Variants in SYNCRIP observed in about 807,000 individuals in gnomAD.
The protein encoded by SYNCRIP is synaptotagmin binding cytoplasmic RNA interacting protein.
Under a neutral mutation model 68.9 loss-of-function variants are expected in SYNCRIP, and 9 were observed. The ratio of observed to expected loss-of-function variants is 0.13; its 90% CI spans 0.08 to 0.23. SYNCRIP has a LOEUF of 0.23. Ranked by LOEUF, SYNCRIP falls within the 10% of genes least tolerant of loss-of-function variation. The pLI is 1.00. For synonymous variants in SYNCRIP, 258 were observed against 254.0 expected (o/e 1.02, Z -0.15); for missense variants, 414 against 770.6 (o/e 0.54, Z 5.48).
chr6:85,621,698 G>A (rs1410622715), intron 8 of SYNCRIP, among the ~76,000 whole-genome samples: 1 of 151,850 alleles, frequency 6.6e-6, no homozygotes, highest in African/African-American at 2.4e-5. Flanking sequence ...CTCAAGGGAT[G>A]TTTATTCTTA....
rs764418447 is a variant in SYNCRIP, at chr6:85,630,362, AAAAC to A, written c.667-6254_667-6251del. Among the ~76,000 whole-genome samples the A allele has an allele frequency of 3.8e-4, 58 of 152,322 alleles. 1 individual carries two copies. The highest frequency in any genetic ancestry group is 9.1e-4 in the African/African-American group (38 of 41,574). On this transcript the variant is annotated intron_variant, in intron 6 of 10. Coordinates refer to ENST00000369622, the MANE Select transcript of SYNCRIP (RefSeq NM_006372.5). The stretch of plus-strand genomic sequence containing the variant: ...GGCAACAGAGCGAGACTCCATCTCA[AAAAC>A]AAACAAACAAACAAAAAAAATCGTA...
intron 8 of SYNCRIP, among the ~76,000 whole-genome samples, chr6:85,621,297 G>A (rs1402198449): frequency 6.6e-6 from 1 of 152,140 alleles, no homozygotes; most frequent in Non-Finnish European, 1.5e-5. Flanking sequence ...TAACCTGTAA[G>A]TAACAAAGAG....
rs1806062930 is a variant in SYNCRIP, at chr6:85,618,721, T to C, written c.1280+97A>G. 8 of 1,003,094 alleles carry C rather than the reference T, an allele frequency of 8.0e-6. No homozygotes were observed. The South Asian group carries it at 1.4e-4, about 17-fold the overall frequency. The allele number at this position is 1,003,094 out of a possible 1,614,324, so 62.1% of individuals were successfully genotyped here. On this transcript the variant is annotated intron_variant, in intron 10 of 10. Coordinates refer to ENST00000369622, the MANE Select transcript of SYNCRIP (RefSeq NM_006372.5). The stretch of plus-strand genomic sequence containing the variant: ...CGTTCAAGTCTTCTTTAAAGAGATG[T>C]TATGCATTTAACAAGTCTGATCAAC...
intron 4 of SYNCRIP, among the ~76,000 whole-genome samples, chr6:85,637,707 G>C (rs1261726348): frequency 6.6e-6 from 1 of 152,130 alleles, no homozygotes; most frequent in Non-Finnish European, 1.5e-5. Context: ...ACCTAATTTG[G>C]TTGAGCATCT....
intron 6 of SYNCRIP, among the ~76,000 whole-genome samples, chr6:85,629,516 CAAAAAAAA>C (rs781083306): frequency 4.6e-5 from 3 of 64,908 alleles, no homozygotes; most frequent in African/African-American, 1.5e-4. Flanking sequence ...ACTAAAAATA[CAAAAAAAA>C]AAAAAAAAAA....
downstream of SYNCRIP, chr6:85,611,215 TAA>T (rs1229757027): frequency 1.3e-5 from 2 of 152,106 alleles, no homozygotes; most frequent in African/African-American, 2.4e-5. Flanking sequence ...TGTGCAATTC[TAA>T]GTTTTTAAAC....
At chr6:85,625,815 A>C (rs763604125) in intron 6 of SYNCRIP, among the ~76,000 whole-genome samples, 3 of 152,210 alleles carry the variant, frequency 2.0e-5, no homozygotes, top group Non-Finnish European at 4.4e-5. Flanking sequence ...ATAAATCCTA[A>C]AAGGGTCAAC....
rs2128277475 is a variant in SYNCRIP, at chr6:85,614,488, G to A, written c.*268C>T. On this transcript the variant is annotated 3_prime_UTR_variant, in exon 11 of 11. Transcript: ENST00000369622. ...GTTGACACTACAGCCAAATGGACTT[G>A]AGCCAAATTTTCTCAAGCACAAATG... 4 of 1,151,392 alleles carry A rather than the reference G, an allele frequency of 3.5e-6. No homozygotes were observed. Among genetic ancestry groups the A allele is most frequent in the Non-Finnish European group, 4.3e-6 (4 of 936,532 alleles). The allele number at this position is 1,151,392 out of a possible 1,614,324, so 71.3% of individuals were successfully genotyped here.
downstream of SYNCRIP, chr6:85,609,826 T>C (rs915074128): frequency 1.3e-5 from 2 of 151,934 alleles, no homozygotes; most frequent in African/African-American, 4.8e-5. Context: ...AGGAAGGGAC[T>C]TGACTCGGAT....
intron 1 of SYNCRIP, 52 bp from the exon 2 acceptor site, chr6:85,641,503 A>G: frequency 2.6e-6 from 4 of 1,529,248 alleles, no homozygotes; most frequent in East Asian, 2.3e-5. Flanking sequence ...AAAGAATACA[A>G]GACAATATGA....
At chr6:85,625,848 C>A (rs1322584446) in intron 6 of SYNCRIP, among the ~76,000 whole-genome samples, 1 of 152,224 alleles carries the variant, frequency 6.6e-6, no homozygotes, top group East Asian at 1.9e-4. Context: ...CATGTTAACA[C>A]AGACCAACAG....
rs528625621 is a variant in SYNCRIP at position 85,642,061 on chromosome 6, G to T, written c.-12-610C>A. Among the ~76,000 whole-genome samples the T allele has an allele frequency of 4.6e-5, 7 of 152,186 alleles. No individual in the cohort carries two copies. In the South Asian group the frequency reaches 1.5e-3, roughly 32 times the overall value. On this transcript the variant is annotated intron_variant, in intron 1 of 10. Transcript: ENST00000369622. ...CCAATGTCCTACAACTTCCTTCAAC[G>T]GCAACCCAACGAATCCCAAACCAAG...
chr6:85,618,362 G>A lies in SYNCRIP; in HGVS notation c.1280+456C>T, dbSNP rs960961590. Reference sequence around the variant, plus strand: ...TTGAGACCAACCTGGCCAACATGACGAAACCCCACCCCTACTAAAAAAAAA... The same window carrying A: ...TTGAGACCAACCTGGCCAACATGACAAAACCCCACCCCTACTAAAAAAAAA... On this transcript the variant is annotated intron_variant, in intron 10 of 10. Transcript: ENST00000369622. Among the ~76,000 whole-genome samples, 80 of 151,522 alleles carry A rather than the reference G, an allele frequency of 5.3e-4. 2 individuals are homozygous for A. Among genetic ancestry groups the A allele is most frequent in the Admixed American group, 5.1e-3 (78 of 15,184 alleles).
At chr6:85,622,436 C>T in intron 8 of SYNCRIP, 46 bp downstream of exon 8, 1 of 1,505,476 alleles carries the variant, frequency 6.6e-7, no homozygotes, top group East Asian at 2.3e-5. Flanking sequence ...CCCGGCCCTT[C>T]TCCCATTAAT....
chr6:85,637,892 CAT>C (rs1491386401), intron 4 of SYNCRIP, among the ~76,000 whole-genome samples: 1 of 152,118 alleles, frequency 6.6e-6, no homozygotes, highest in Non-Finnish European at 1.5e-5. Flanking sequence ...ATTTACGTGC[CAT>C]ATTTCATGGG....
Position 85,633,590 on chromosome 6 carries a change from CA to C in SYNCRIP, c.666+3376del, listed in dbSNP as rs1259568713. Among the ~76,000 whole-genome samples, 4 of 152,012 alleles carry C rather than the reference CA, an allele frequency of 2.6e-5. No homozygotes were observed. In the South Asian group the frequency reaches 8.3e-4, roughly 31 times the overall value. On this transcript the variant is annotated intron_variant, in intron 6 of 10. Transcript: ENST00000369622. ...TGGGCAACAGAGGGAGACTCCGTTT[CA>C]AAAAAACTTACTAAAAAGTCAAAAA...
chr6:85,630,348 G>A (rs1263904809), intron 6 of SYNCRIP, among the ~76,000 whole-genome samples: 5 of 152,130 alleles, frequency 3.3e-5, no homozygotes, highest in Non-Finnish European at 5.9e-5. Flanking sequence ...GCAACAGAGC[G>A]AGACTCCATC....
At chr6:85,615,417 T>C (rs1805659833) in intron 10 of SYNCRIP, 70 bp from the exon 11 acceptor site, 1 of 1,008,718 alleles carries the variant, frequency 9.9e-7, no homozygotes, top group East Asian at 2.7e-5. Flanking sequence ...ATTTAGCCAT[T>C]TGTAACAGTT....
chr6:85,624,497 T>C (rs1289970589), intron 6 of SYNCRIP, among the ~76,000 whole-genome samples: 1 of 152,194 alleles, frequency 6.6e-6, no homozygotes, highest in Non-Finnish European at 1.5e-5. Flanking sequence ...CCTAAATCTA[T>C]TTTTCCATCT....
Sources: allele counts gnomAD v4.1 joint callset (sites outside exome capture counted in the v4.1 genomes callset), GRCh38; gene constraint gnomAD v4.1.1; transcripts MANE v1.5; gene names NCBI Gene and HGNC (gene_info 2026-07-23, HGNC 2026-07-21).